OPRM1: variants seen among roughly 807,000 people sequenced by gnomAD.
OPRM1 encodes the protein mu-type opioid receptor.
In OPRM1, 27 loss-of-function variants were observed where a neutral mutation model predicts 31.8. That is an observed-to-expected ratio of 0.85 (90% confidence interval 0.63 to 1.17). The LOEUF (loss-of-function observed/expected upper bound fraction) is 1.17, where lower values mean the gene tolerates loss of function less well. Among genes scored for constraint, OPRM1 ranks in the 50% most tolerant of loss-of-function variants. The pLI is 0.00. For missense variants in OPRM1, 536 were observed against 511.1 expected (o/e 1.05, Z -0.47); for synonymous variants, 196 against 189.9 (o/e 1.03, Z -0.26).
intron 1 of OPRM1, among the ~76,000 whole-genome samples, chr6:154,043,343 A>G (rs534043503): frequency 7.0e-4 from 106 of 152,200 alleles, no homozygotes; most frequent in Non-Finnish European, 1.2e-3. Flanking sequence ...AGTATTTCTG[A>G]TTTTAGAAAA....
chr6:154,131,231 G>A lies in OPRM1; in HGVS notation c.*12510G>A, dbSNP rs1029307260. Among the ~76,000 whole-genome samples the A allele has an allele frequency of 2.0e-5, 3 of 152,072 alleles. No homozygotes were observed. The highest frequency in any genetic ancestry group is 1.9e-4 in the East Asian group (1 of 5,198). ...TTTAAAAGATACATATAATGTTTCC[G>A]TAGGAAAAAAATCAAAATATTGTAA... On this transcript the variant is annotated 3_prime_UTR_variant, in exon 4 of 4. Coordinates refer to ENST00000330432, the MANE Select transcript of OPRM1 (RefSeq NM_000914.5).
chr6:154,150,281 C>T (rs1406024257), intron 3 of OPRM1, among the ~76,000 whole-genome samples: 1 of 152,232 alleles, frequency 6.6e-6, no homozygotes, highest in Non-Finnish European at 1.5e-5. Flanking sequence ...TTAATAACCT[C>T]TCCCTTGTCT....
intron 3 of OPRM1, among the ~76,000 whole-genome samples, chr6:154,242,080 C>T (rs887496508): frequency 3.3e-5 from 5 of 152,174 alleles, no homozygotes; most frequent in Admixed American, 6.5e-5. Context: ...CTATCTTGCT[C>T]GGCTATTATG....
At chr6:154,025,776 G>A (rs1451269274) in intron 1 of OPRM1, among the ~76,000 whole-genome samples, 4 of 151,876 alleles carry the variant, frequency 2.6e-5, no homozygotes, top group African/African-American at 9.7e-5. Context: ...AAACAATTTA[G>A]CACTTTTTGC....
chr6:154,232,612 G>T (rs1016578846), intron 3 of OPRM1, among the ~76,000 whole-genome samples: 3 of 152,110 alleles, frequency 2.0e-5, no homozygotes, highest in Non-Finnish European at 4.4e-5. Context: ...GCTAAAATAG[G>T]CTCAGGAACT....
intron 3 of OPRM1, among the ~76,000 whole-genome samples, chr6:154,180,401 TA>T (rs1309865918): frequency 1.2e-4 from 9 of 77,596 alleles, no homozygotes; most frequent in African/African-American, 4.0e-4. Context: ...TATATATATA[TA>T]TATATATATA....
intron 3 of OPRM1, among the ~76,000 whole-genome samples, chr6:154,149,386 C>A (rs996468330): frequency 6.6e-6 from 1 of 152,222 alleles, no homozygotes; most frequent in Non-Finnish European, 1.5e-5. Flanking sequence ...TCCCCTCCAT[C>A]CCTCCCATGA....
At position 154,162,873 on chromosome 6, in the gene OPRM1, A is replaced by G. The variant is rs117163508; in HGVS notation, c.1164+71401A>G. ...CCCTAAGAGGCATCTCAAAAATAAC[A>G]TATCTAAAGATAAGTTCCTCTTATT... On this transcript the variant is annotated intron_variant, in intron 3 of 3. Coordinates refer to the OPRM1 transcript ENST00000337049. 5.8e-3 allele frequency among the ~76,000 whole-genome samples: 886 copies of G among 152,228 alleles called. 4 individuals are homozygous for G. Among genetic ancestry groups the G allele is most frequent in the Non-Finnish European group, 9.1e-3 (621 of 68,002 alleles).
At chr6:154,201,886 C>G (rs1242406903) in intron 3 of OPRM1, among the ~76,000 whole-genome samples, 1 of 152,096 alleles carries the variant, frequency 6.6e-6, no homozygotes, top group Non-Finnish European at 1.5e-5. Context: ...CAGAGTGAGG[C>G]TCCATCTCAA....
intron 1 of OPRM1, among the ~76,000 whole-genome samples, chr6:154,061,235 A>G (rs1387183414): frequency 1.3e-5 from 2 of 152,132 alleles, no homozygotes; most frequent in Non-Finnish European, 2.9e-5. Context: ...ACTTTCACAG[A>G]CACTCTCCAT....
rs113572737 is a variant in OPRM1 at position 154,193,032 on chromosome 6, G to A, written c.1165-53661G>A. The stretch of plus-strand genomic sequence containing the variant: ...CCCACTACTGGATATCTACTCACAG[G>A]AAAAGAAGTCATTATACGAAGAAGG... On this transcript the variant is annotated intron_variant, in intron 3 of 3. Transcript: ENST00000337049. Among the ~76,000 whole-genome samples, 602 of 152,214 alleles carry A rather than the reference G, an allele frequency of 4.0e-3. 6 individuals are homozygous for A. The highest frequency in any genetic ancestry group is 0.013 in the African/African-American group (523 of 41,524).
At chr6:154,215,142 C>T (rs902863141) in intron 3 of OPRM1, among the ~76,000 whole-genome samples, 8 of 152,128 alleles carry the variant, frequency 5.3e-5, no homozygotes, top group Non-Finnish European at 1.2e-4. Context: ...TGATGTCTTC[C>T]AGTCTCCCAT....
chr6:154,055,544 A>G (rs1211316997), intron 1 of OPRM1, among the ~76,000 whole-genome samples: 1 of 152,170 alleles, frequency 6.6e-6, no homozygotes, highest in African/African-American at 2.4e-5. Flanking sequence ...TATATTATCC[A>G]TTATAATATT....
chr6:154,074,469 TG>T (rs1190355170), intron 1 of OPRM1: 6 of 151,884 alleles, frequency 4.0e-5, no homozygotes, highest in African/African-American at 1.2e-4. Flanking sequence ...ACATAGAAAA[TG>T]GGATGGAGGC....
At chr6:154,045,713 A>G (rs1780990726) in intron 1 of OPRM1, among the ~76,000 whole-genome samples, 1 of 152,190 alleles carries the variant, frequency 6.6e-6, no homozygotes, top group African/African-American at 2.4e-5. Context: ...CTGCATCTAA[A>G]TCACTTACTT....
rs1172892417 is a variant in OPRM1 at position 154,039,734 on chromosome 6, A to G, written c.190A>G (p.Ser64Gly). ...GRDSLCPPTG[S>G]PSMITAITIM... ...AGACAGCCTGTGCCCTCCGACCGGC[A>G]GTCCCTCCATGATCACGGCCATCAC... Residue 64 changes from serine to glycine, a missense_variant, in exon 1 of 4, where the codon AGT becomes GGT. By Grantham distance (56) the Ser-to-Gly change is moderately conservative (BLOSUM62 0). Transcript: ENST00000330432. 1 of 1,606,534 alleles carries G rather than the reference A, an allele frequency of 6.2e-7. No homozygotes were observed. Among genetic ancestry groups the G allele is most frequent in the African/African-American group, 1.3e-5 (1 of 74,938 alleles).
chr6:154,172,186 T>C (rs1409314621), intron 3 of OPRM1, among the ~76,000 whole-genome samples: 3 of 152,212 alleles, frequency 2.0e-5, no homozygotes, highest in Non-Finnish European at 4.4e-5. Flanking sequence ...GATAGCCAAA[T>C]AGGAACAGCT....
chr6:154,244,804 G>A (rs1356026951), intron 3 of OPRM1, among the ~76,000 whole-genome samples: 4 of 152,134 alleles, frequency 2.6e-5, no homozygotes, highest in Admixed American at 6.5e-5. Context: ...TTTGATTCCC[G>A]GAGAAGATGA....
intron 1 of OPRM1, among the ~76,000 whole-genome samples, chr6:154,053,758 T>A (rs1782651667): frequency 6.6e-6 from 1 of 152,186 alleles, no homozygotes; most frequent in South Asian, 2.1e-4. Flanking sequence ...TGTACAGGAA[T>A]TCTTTAGATT....
Sources: allele counts gnomAD v4.1 joint callset (sites outside exome capture counted in the v4.1 genomes callset), GRCh38; gene constraint gnomAD v4.1.1; transcripts MANE v1.5; gene names NCBI Gene and HGNC (gene_info 2026-07-23, HGNC 2026-07-21).